Variants in PPM1B observed in about 807,000 individuals in gnomAD.
PPM1B encodes the protein protein phosphatase, Mg2+/Mn2+ dependent 1B.
A neutral mutation model predicts 43.0 loss-of-function variants in PPM1B; 22 were observed. The observed-to-expected ratio is 0.51, with a 90% CI of 0.37 to 0.73. The LOEUF is 0.73. PPM1B is among the 30% of genes least tolerant of loss of function. The pLI is 0.00. For missense variants in PPM1B, 632 were observed against 584.2 expected, an observed-to-expected ratio of 1.08 and a Z score of -0.84; for synonymous variants, 217 against 197.9, an observed-to-expected ratio of 1.10 and a Z score of -0.81.
intron 5 of PPM1B, among the ~76,000 whole-genome samples, chr2:44,228,025 G>T (rs1402579709): frequency 1.4e-5 from 2 of 145,730 alleles, no homozygotes; most frequent in African/African-American, 5.1e-5. Context: ...GAGTTCAAGC[G>T]ATTCTCCTGC....
chr2:44,240,850 C>T (rs1572769309), intron 5 of PPM1B, among the ~76,000 whole-genome samples: 1 of 145,760 alleles, frequency 6.9e-6, no homozygotes, highest in Non-Finnish European at 1.5e-5. Flanking sequence ...CTGTTGGCTT[C>T]CTTACGCAGT....
Position 44,210,286 on chromosome 2 carries a change from G to T in PPM1B, c.964+959G>T, listed in dbSNP as rs907623541. On this transcript the variant is annotated intron_variant, in intron 3 of 5. Transcript: ENST00000282412. ...GGCTGGAGTACAGTGGCATGATCTC[G>T]GCTCACTACAGCCTCAACTCCCTGG... 2.0e-5 allele frequency among the ~76,000 whole-genome samples: 3 copies of T among 148,994 alleles called. No homozygotes were observed. The Admixed American group carries it at 2.0e-4, about 10-fold the overall frequency.
At chr2:44,206,885 A>C (rs1263544673) in intron 2 of PPM1B, among the ~76,000 whole-genome samples, 1 of 152,140 alleles carries the variant, frequency 6.6e-6, no homozygotes, top group Non-Finnish European at 1.5e-5. Context: ...TCCATGGTGT[A>C]CTTTAAAATT....
intron 5 of PPM1B, among the ~76,000 whole-genome samples, chr2:44,243,530 C>G (rs975821944): frequency 6.6e-6 from 1 of 152,094 alleles, no homozygotes; most frequent in East Asian, 1.9e-4. Flanking sequence ...TTTAATACAA[C>G]TGGAACTTAT....
At chr2:44,192,963 T>C (rs1218511102) in intron 1 of PPM1B, among the ~76,000 whole-genome samples, 1 of 152,198 alleles carries the variant, frequency 6.6e-6, no homozygotes, top group Non-Finnish European at 1.5e-5. Flanking sequence ...CTTTATCCAT[T>C]CATTCATTGA....
chr2:44,178,801 C>T (rs1667719830), intron 1 of PPM1B, among the ~76,000 whole-genome samples: 1 of 151,900 alleles, frequency 6.6e-6, no homozygotes, highest in African/African-American at 2.4e-5. Flanking sequence ...TTAGTGCTGT[C>T]CTATATAAAT....
At chr2:44,219,474 T>A (rs867623275) in intron 5 of PPM1B, among the ~76,000 whole-genome samples, 1 of 152,112 alleles carries the variant, frequency 6.6e-6, no homozygotes, top group African/African-American at 2.4e-5. Context: ...CAATATAATA[T>A]GATTTCTTTT....
chr2:44,181,812 C>T (rs1177529140), intron 1 of PPM1B, among the ~76,000 whole-genome samples: 1 of 152,130 alleles, frequency 6.6e-6, no homozygotes, highest in Non-Finnish European at 1.5e-5. Flanking sequence ...TAAAATTCAT[C>T]TGAAGTCAGT....
Position 44,199,317 on chromosome 2 carries a change from ATAAAAAT to A in PPM1B, c.-14-1868_-14-1862del, listed in dbSNP as rs1558406281. 4.7e-3 allele frequency among the ~76,000 whole-genome samples: 459 copies of A among 98,236 alleles called. 15 individuals are homozygous for A. The highest frequency in any genetic ancestry group is 7.7e-3 in the South Asian group (22 of 2,848). The allele number at this position is 98,236 out of a possible 152,430, so 64.4% of individuals were successfully genotyped here. ...CCTGTAGATCTCAAAAAAAAAAAAA[ATAAAAAT>A]AAAAAAAAAAAAAATTGAGCCAGGT... On this transcript the variant is annotated intron_variant, in intron 1 of 5. Coordinates refer to ENST00000282412, the MANE Select transcript of PPM1B (RefSeq NM_002706.6).
At chr2:44,195,929 G>T (rs149727571) in intron 1 of PPM1B, among the ~76,000 whole-genome samples, 1 of 152,266 alleles carries the variant, frequency 6.6e-6, no homozygotes, top group East Asian at 1.9e-4. Context: ...GATACTCCTT[G>T]GGACAGTCTC....
At chr2:44,222,700 A>T (rs781687514) in intron 5 of PPM1B, among the ~76,000 whole-genome samples, 2 of 152,206 alleles carry the variant, frequency 1.3e-5, no homozygotes, top group Admixed American at 1.3e-4. Flanking sequence ...TCTGACTCCT[A>T]TTCTCTTTAC....
intron 3 of PPM1B, among the ~76,000 whole-genome samples, chr2:44,210,372 C>T (rs558527341): frequency 3.7e-4 from 57 of 152,112 alleles, no homozygotes; most frequent in African/African-American, 1.3e-3. Flanking sequence ...GCACGTGCCA[C>T]CACAGCTGGC....
At chr2:44,211,404 A>G (rs182535558) in intron 3 of PPM1B, among the ~76,000 whole-genome samples, 4 of 152,148 alleles carry the variant, frequency 2.6e-5, no homozygotes, top group African/African-American at 4.8e-5. Flanking sequence ...TTTCCTCTTG[A>G]TAAGATTTAG....
Position 44,231,462 on chromosome 2 carries a change from G to A in PPM1B, c.*744G>A. 3.1e-6 allele frequency: 3 copies of A among 972,430 alleles called. No individual in the cohort carries two copies. Among genetic ancestry groups the A allele is most frequent in the Non-Finnish European group, 3.7e-6 (3 of 818,236 alleles). 60.2% of individuals were successfully genotyped at this position (972,430 alleles called of 1,614,324 possible). ...TAAGTCCAAATAAAGCATGTGATGTGGAATAATCTATGCATGTTGTACTTA... is the reference window on the plus strand; with the variant it reads ...TAAGTCCAAATAAAGCATGTGATGTAGAATAATCTATGCATGTTGTACTTA... On this transcript the variant is annotated 3_prime_UTR_variant, in exon 6 of 6. Transcript: ENST00000282412.
intron 3 of PPM1B, among the ~76,000 whole-genome samples, chr2:44,213,525 T>A (rs1161050545): frequency 6.6e-6 from 1 of 152,202 alleles, no homozygotes; most frequent in Non-Finnish European, 1.5e-5. Flanking sequence ...ATTTCTAATA[T>A]GTAATTACAA....
At chr2:44,244,181 A>T in intron 5 of PPM1B, 2 of 973,650 alleles carry the variant, frequency 2.1e-6, no homozygotes, top group South Asian at 5.8e-5. Context: ...CAAGAAAAAA[A>T]AAAACCATAT....
chr2:44,172,345 A>G (rs1013387351), intron 1 of PPM1B, among the ~76,000 whole-genome samples: 2 of 152,230 alleles, frequency 1.3e-5, no homozygotes, highest in Non-Finnish European at 2.9e-5. Flanking sequence ...ACATTTCACT[A>G]TGCTATACTC....
At chr2:44,243,806 T>C (rs1380219422) in intron 5 of PPM1B, among the ~76,000 whole-genome samples, 2 of 152,146 alleles carry the variant, frequency 1.3e-5, no homozygotes, top group African/African-American at 4.8e-5. Context: ...TTTACAAAAA[T>C]TGAATGTGTT....
chr2:44,225,015 T>C (rs77048434), intron 5 of PPM1B, among the ~76,000 whole-genome samples: 20,636 of 152,168 alleles, frequency 0.14, 1,823 homozygotes, highest in South Asian at 0.25. Context: ...ATGTTAATTA[T>C]ACCTGTGCAC....
Sources: gnomAD v4.1 joint callset for allele counts (sites outside exome capture counted in the v4.1 genomes callset) on GRCh38, gnomAD v4.1.1 for gene constraint, MANE v1.5 for transcripts, NCBI Gene and HGNC (gene_info 2026-07-23, HGNC 2026-07-21) for gene names.